Variants in RPS6KC1 observed in about 807,000 individuals in gnomAD.
RPS6KC1 encodes ribosomal protein S6 kinase C1.
Under a neutral mutation model 103.8 loss-of-function variants are expected in RPS6KC1, and 54 were observed. The ratio of observed to expected loss-of-function variants is 0.52; its 90% confidence interval spans 0.42 to 0.65. The LOEUF is 0.65. RPS6KC1 is among the 30% of genes least tolerant of loss of function. The pLI is 0.00. For missense variants in RPS6KC1, 1,151 were observed against 1,253.8 expected, an observed-to-expected ratio of 0.92 and a Z score of 1.24; for synonymous variants, 439 against 438.7, an observed-to-expected ratio of 1.00 and a Z score of -0.01.
At chr1:213,488,839 G>A in the RPS6KC1 span, among the ~76,000 whole-genome samples, 2 of 152,168 alleles carry the variant, frequency 1.3e-5, no homozygotes, top group Non-Finnish European at 2.9e-5. Context: ...GCCTTAGAGC[G>A]CTCTGCCTTG....
At position 213,117,406 on chromosome 1, in the gene RPS6KC1, G is replaced by A. The variant is rs756240429; in HGVS notation, c.468G>A (p.Thr156=). ...TTGATACCTTTCCTGAGTGTAGTAC[G>A]GAAGGTAAGAGATTTTAATTTTTTT... ...SLIDTFPECS[T]EGFSSDSDLV... is the part of the protein sequence containing the mutation. Residue 156 remains threonine (T), a synonymous_variant, in exon 5 of 15, where the codon ACG becomes ACA. Coordinates refer to ENST00000366960, the MANE Select transcript of RPS6KC1 (RefSeq NM_012424.6). The A allele has an allele frequency of 2.3e-5, 37 of 1,589,366 alleles. No individual in the cohort carries two copies. The highest frequency in any genetic ancestry group is 6.8e-5 in the African/African-American group (5 of 74,028).
At chr1:213,480,010 C>A in the RPS6KC1 span, among the ~76,000 whole-genome samples, 3 of 151,868 alleles carry the variant, frequency 2.0e-5, no homozygotes, top group Admixed American at 6.6e-5. Flanking sequence ...TATTGTTAAG[C>A]CACAATTTTA....
At chr1:213,697,041 A>G in the RPS6KC1 span, among the ~76,000 whole-genome samples, 3 of 152,210 alleles carry the variant, frequency 2.0e-5, no homozygotes, top group African/African-American at 7.2e-5. Context: ...CTCAGGTTTA[A>G]TTAATTTGCT....
chr1:213,279,262 G>A (rs1050099954), downstream of RPS6KC1, among the ~76,000 whole-genome samples: 3 of 152,244 alleles, frequency 2.0e-5, no homozygotes, highest in Non-Finnish European at 4.4e-5. Flanking sequence ...CCGCAGTTAA[G>A]GTGGTAGAAT....
the RPS6KC1 span, among the ~76,000 whole-genome samples, chr1:213,791,590 G>C: frequency 6.6e-6 from 1 of 152,138 alleles, no homozygotes; most frequent in Non-Finnish European, 1.5e-5. Flanking sequence ...CAAGGTGGGA[G>C]GTAAAGAGGG....
chr1:213,731,347 C>T, the RPS6KC1 span: 4 of 152,142 alleles, frequency 2.6e-5, no homozygotes, highest in Non-Finnish European at 5.9e-5. Flanking sequence ...AGTATAGTCA[C>T]TTTAACAATA....
chr1:213,657,218 G>C, the RPS6KC1 span, among the ~76,000 whole-genome samples: 2 of 152,152 alleles, frequency 1.3e-5, no homozygotes, highest in Non-Finnish European at 2.9e-5. Flanking sequence ...ATCGAGTACA[G>C]AGGCAGCCAG....
At chr1:213,742,226 A>G in the RPS6KC1 span, among the ~76,000 whole-genome samples, 1 of 152,220 alleles carries the variant, frequency 6.6e-6, no homozygotes, top group Non-Finnish European at 1.5e-5. Context: ...AACAGGCACT[A>G]AGAGATTCTG....
chr1:213,341,276 C>T, the RPS6KC1 span, among the ~76,000 whole-genome samples: 1 of 152,192 alleles, frequency 6.6e-6, no homozygotes, highest in African/African-American at 2.4e-5. Context: ...GGAGCTCATT[C>T]ACACTCAAGT....
chr1:213,595,822 G>T, the RPS6KC1 span, among the ~76,000 whole-genome samples: 1 of 152,188 alleles, frequency 6.6e-6, no homozygotes, highest in Non-Finnish European at 1.5e-5. Flanking sequence ...AATTTCATAG[G>T]TTTTAACTTA....
the RPS6KC1 span, among the ~76,000 whole-genome samples, chr1:213,734,060 A>G: frequency 6.6e-6 from 1 of 152,258 alleles, no homozygotes; most frequent in Non-Finnish European, 1.5e-5. Flanking sequence ...TTATTTATAT[A>G]TAGCCCAGGA....
At chr1:213,222,472 G>T (rs1021411548) in intron 8 of RPS6KC1, among the ~76,000 whole-genome samples, 1 of 152,160 alleles carries the variant, frequency 6.6e-6, no homozygotes, top group East Asian at 1.9e-4. Context: ...TGCATGGTCT[G>T]TTCATGCTAA....
chr1:213,558,941 G>A, the RPS6KC1 span, among the ~76,000 whole-genome samples: 2 of 152,196 alleles, frequency 1.3e-5, no homozygotes, highest in African/African-American at 4.8e-5. Flanking sequence ...ACATATTGTA[G>A]TTCAAGAGGC....
chr1:213,194,937 A>G (rs1388066326), intron 8 of RPS6KC1, among the ~76,000 whole-genome samples: 1 of 152,176 alleles, frequency 6.6e-6, no homozygotes, highest in African/African-American at 2.4e-5. Context: ...GGTTTATATA[A>G]CATTCTTAAA....
At chr1:213,748,565 A>G in the RPS6KC1 span, among the ~76,000 whole-genome samples, 1 of 152,350 alleles carries the variant, frequency 6.6e-6, no homozygotes, top group African/African-American at 2.4e-5. Context: ...CATCCCAAAT[A>G]GGGATATGCC....
At chr1:213,146,710 C>T (rs2087884317) in intron 6 of RPS6KC1, among the ~76,000 whole-genome samples, 1 of 151,658 alleles carries the variant, frequency 6.6e-6, no homozygotes, top group Admixed American at 6.6e-5. Context: ...CAGGTGTGAG[C>T]CACTGTGCCC....
At chr1:213,579,425 T>C in the RPS6KC1 span, among the ~76,000 whole-genome samples, 1 of 152,072 alleles carries the variant, frequency 6.6e-6, no homozygotes, top group South Asian at 2.1e-4. Flanking sequence ...AGAAGCCACC[T>C]CTATAACAAA....
At chr1:213,058,517 C>T (rs1002721364) in intron 1 of RPS6KC1, among the ~76,000 whole-genome samples, 5 of 151,694 alleles carry the variant, frequency 3.3e-5, no homozygotes, top group Non-Finnish European at 7.4e-5. Context: ...CCCATTGCAA[C>T]AAAACACCAT....
chr1:213,252,532 A>G (rs2094563891), intron 12 of RPS6KC1, among the ~76,000 whole-genome samples: 1 of 152,132 alleles, frequency 6.6e-6, no homozygotes, highest in Non-Finnish European at 1.5e-5. Context: ...AAAGGTATAC[A>G]TTGTGCTTAA....
Sources: allele counts gnomAD v4.1 joint callset (sites outside exome capture counted in the v4.1 genomes callset), GRCh38; gene constraint gnomAD v4.1.1; transcripts MANE v1.5; gene names NCBI Gene and HGNC (gene_info 2026-07-23, HGNC 2026-07-21).